The following MGAT4C variants were observed in gnomAD, a reference collection of about 807,000 sequenced individuals.
The protein encoded by MGAT4C is alpha-1,3-mannosyl-glycoprotein 4-beta-N-acetylglucosaminyltransferase C.
In MGAT4C, 19 loss-of-function variants were observed where a neutral mutation model predicts 40.1. The ratio of observed to expected loss-of-function variants is 0.47; its 90% confidence interval spans 0.33 to 0.70. The LOEUF (loss-of-function observed/expected upper bound fraction) is 0.70, where lower values mean the gene tolerates loss of function less well. MGAT4C is among the 30% of genes least tolerant of loss of function. The pLI is 0.02. For synonymous variants in MGAT4C, 181 were observed against 187.1 expected (o/e 0.97, Z 0.27); for missense variants, 491 against 563.2 (o/e 0.87, Z 1.30).
At chr12:86,273,337 T>G (rs1204692905) in intron 4 of MGAT4C, among the ~76,000 whole-genome samples, 1 of 152,108 alleles carries the variant, frequency 6.6e-6, no homozygotes. Flanking sequence ...AACAATTAAA[T>G]AAATTGAAAG....
chr12:86,660,652 T>C (rs1963958824), intron 2 of MGAT4C, among the ~76,000 whole-genome samples: 1 of 152,136 alleles, frequency 6.6e-6, no homozygotes, highest in Non-Finnish European at 1.5e-5. Flanking sequence ...CAGTGAAGGC[T>C]GCTAAGGACA....
At chr12:86,386,159 T>C (rs1057286071) in intron 3 of MGAT4C, among the ~76,000 whole-genome samples, 2 of 152,112 alleles carry the variant, frequency 1.3e-5, no homozygotes, top group Non-Finnish European at 2.9e-5. Context: ...CTTGATCTCC[T>C]AACTTCGTGA....
intron 1 of MGAT4C, among the ~76,000 whole-genome samples, chr12:86,128,794 T>C (rs1880712983): frequency 6.6e-6 from 1 of 152,214 alleles, no homozygotes. Flanking sequence ...TTTTAGAATT[T>C]TTATAGATTC....
chr12:86,335,970 GTTCT>G (rs1954780370), intron 3 of MGAT4C, among the ~76,000 whole-genome samples: 2 of 152,080 alleles, frequency 1.3e-5, no homozygotes, highest in Admixed American at 6.6e-5. Flanking sequence ...CTTCTGCAGT[GTTCT>G]TTCTAACAAA....
intron 2 of MGAT4C, among the ~76,000 whole-genome samples, chr12:86,502,579 G>A (rs1234340368): frequency 4.0e-5 from 6 of 148,704 alleles, no homozygotes; most frequent in Non-Finnish European, 8.9e-5. Flanking sequence ...TGTTGGCACG[G>A]GGAAAGCAGT....
intron 2 of MGAT4C, among the ~76,000 whole-genome samples, chr12:86,648,413 T>C (rs2136531306): frequency 6.6e-6 from 1 of 151,990 alleles, no homozygotes; most frequent in East Asian, 1.9e-4. Flanking sequence ...TATTTGGTGA[T>C]GGGGCCTTTG....
At chr12:86,634,992 A>G (rs1290369840) in intron 2 of MGAT4C, among the ~76,000 whole-genome samples, 2 of 152,158 alleles carry the variant, frequency 1.3e-5, no homozygotes, top group Admixed American at 1.3e-4. Flanking sequence ...CTGTTGGCAT[A>G]AACACATCCT....
At chr12:86,048,269 T>C (rs1024335909) in intron 2 of MGAT4C, among the ~76,000 whole-genome samples, 1 of 151,906 alleles carries the variant, frequency 6.6e-6, no homozygotes, top group Non-Finnish European at 1.5e-5. Context: ...TGAGTACACA[T>C]GGACCTAAAG....
At chr12:86,169,941 G>GAAA (rs1886631120) in intron 1 of MGAT4C, among the ~76,000 whole-genome samples, 1 of 152,110 alleles carries the variant, frequency 6.6e-6, no homozygotes, top group Non-Finnish European at 1.5e-5. Flanking sequence ...CATATCAAAG[G>GAAA]TTAGCAAAGG....
At chr12:86,547,724 A>C (rs1451428558) in intron 2 of MGAT4C, among the ~76,000 whole-genome samples, 2 of 152,176 alleles carry the variant, frequency 1.3e-5, no homozygotes, top group Non-Finnish European at 2.9e-5. Flanking sequence ...AAAGTGGTGG[A>C]ATTAAATCAT....
chr12:86,195,524 T>G (rs1949769055), intron 1 of MGAT4C, among the ~76,000 whole-genome samples: 1 of 152,186 alleles, frequency 6.6e-6, no homozygotes, highest in African/African-American at 2.4e-5. Flanking sequence ...TAAAATATGA[T>G]AACACATGCT....
intron 2 of MGAT4C, among the ~76,000 whole-genome samples, chr12:86,496,648 C>T (rs1958242086): frequency 6.6e-6 from 1 of 151,854 alleles, no homozygotes. Context: ...AAATTGTTAA[C>T]AAATCTGATT....
chr12:86,327,569 A>C (rs766950810), intron 4 of MGAT4C, among the ~76,000 whole-genome samples: 1 of 152,160 alleles, frequency 6.6e-6, no homozygotes, highest in Non-Finnish European at 1.5e-5. Flanking sequence ...AATTGAAATT[A>C]TATAAATCAA....
In MGAT4C at chr12:86,836,297, C is replaced by A. The variant is rs549450657; in HGVS notation, c.-262+2369G>T. On this transcript the variant is annotated intron_variant, in intron 1 of 7. Transcript: ENST00000548651. The stretch of plus-strand genomic sequence containing the variant: ...TATAGGATGTTTCATACCTATAATG[C>A]ACATAAGCAGCAACTAAAGAGTCAG... Among the ~76,000 whole-genome samples the A allele has an allele frequency of 9.9e-4, 151 of 152,102 alleles. 1 individual carries two copies. The highest frequency in any genetic ancestry group is 3.4e-3 in the African/African-American group (143 of 41,532).
chr12:86,355,276 C>T lies in MGAT4C; in HGVS notation c.-119-21149G>A, dbSNP rs1955283777. Among the ~76,000 whole-genome samples the T allele has an allele frequency of 3.3e-5, 5 of 152,168 alleles. No homozygotes were observed. The South Asian group carries it at 1.0e-3, about 31-fold the overall frequency. On this transcript the variant is annotated intron_variant, in intron 3 of 7. Transcript: ENST00000548651. ...GCTGATTGGCACATTTTACAATCCTCTTCTAAGACAGAAATGTTCTCCAAG... is the reference window on the plus strand; with the variant it reads ...GCTGATTGGCACATTTTACAATCCTTTTCTAAGACAGAAATGTTCTCCAAG...
In MGAT4C at chr12:85,973,059, A is replaced by G. The variant is rs1480037933; in HGVS notation, c.*6230T>C. Reference sequence around the variant, plus strand: ...ACTCAGATGAAGTTACAAAAAAAGTACTTTTTAAATGTCTAGTTTCTAATA... The same window carrying G: ...ACTCAGATGAAGTTACAAAAAAAGTGCTTTTTAAATGTCTAGTTTCTAATA... On this transcript the variant is annotated 3_prime_UTR_variant, in exon 5 of 5. Transcript: ENST00000611864. The G allele has an allele frequency of 2.0e-5, 3 of 150,822 alleles. No individual in the cohort carries two copies. The highest frequency in any genetic ancestry group is 3.0e-5 in the Non-Finnish European group (2 of 67,046). 9.3% of individuals were successfully genotyped at this position (150,822 alleles called of 1,614,324 possible).
rs1276642208 is a variant in MGAT4C, at chr12:85,973,924, G to T, written c.*5365C>A. On this transcript the variant is annotated 3_prime_UTR_variant, in exon 5 of 5. Transcript: ENST00000611864. ...TAAAAATAGGATATTAAACATCTCA[G>T]AAAATATTGGGATTATTGAAGCAAA... is the stretch of plus-strand genomic sequence containing the variant. The T allele has an allele frequency of 6.6e-6, 1 of 150,814 alleles. No homozygotes were observed. The highest frequency in any genetic ancestry group is 1.5e-5 in the Non-Finnish European group (1 of 67,096). The allele number at this position is 150,814 out of a possible 1,614,324, so 9.3% of individuals were successfully genotyped here.
intron 1 of MGAT4C, among the ~76,000 whole-genome samples, chr12:86,158,423 G>T (rs1328796417): frequency 1.3e-5 from 2 of 152,016 alleles, no homozygotes; most frequent in South Asian, 4.1e-4. Context: ...TCTAAACTAG[G>T]CATAAAATAT....
intron 1 of MGAT4C, among the ~76,000 whole-genome samples, chr12:86,240,821 C>T (rs1186720071): frequency 6.6e-6 from 1 of 152,080 alleles, no homozygotes; most frequent in East Asian, 1.9e-4. Flanking sequence ...TAATACATGG[C>T]TGCATATCAA....
Sources: gnomAD v4.1 joint callset for allele counts (sites outside exome capture counted in the v4.1 genomes callset) on GRCh38, gnomAD v4.1.1 for gene constraint, MANE v1.5 for transcripts, NCBI Gene and HGNC (gene_info 2026-07-23, HGNC 2026-07-21) for gene names.